The following OSBPL1A variants were observed in gnomAD, a reference collection of about 807,000 sequenced individuals.
OSBPL1A encodes oxysterol binding protein like 1A.
OSBPL1A carries 80 observed loss-of-function variants against 137.1 expected under a neutral mutation model. The ratio of observed to expected loss-of-function variants is 0.58; its 90% confidence interval spans 0.49 to 0.70. The LOEUF (loss-of-function observed/expected upper bound fraction) is 0.70. Among genes scored for constraint, OSBPL1A ranks in the 30% least tolerant of loss-of-function variants. OSBPL1A has a pLI of 0.00. For missense variants in OSBPL1A, 970 were observed against 1,129.4 expected, an observed-to-expected ratio of 0.86 and a Z score of 2.02; for synonymous variants, 365 against 389.7, an observed-to-expected ratio of 0.94 and a Z score of 0.75.
At chr18:24,343,526 TA>T (rs2091301962) in intron 4 of OSBPL1A, among the ~76,000 whole-genome samples, 1 of 152,038 alleles carries the variant, frequency 6.6e-6, no homozygotes, top group Admixed American at 6.6e-5. Context: ...AAATAATATT[TA>T]AAAGAAGAAC....
In OSBPL1A at chr18:24,340,138, A is replaced by G. The variant is rs149569280; in HGVS notation, c.394+1409T>C. 1.0e-3 allele frequency among the ~76,000 whole-genome samples: 158 copies of G among 152,338 alleles called. 1 individual carries two copies. The East Asian group carries it at 0.019, about 18-fold the overall frequency. ...TTAAAGATCTTCTCTTCTCAACATT[A>G]GAAATACTACTAAAAAATAATTATA... On this transcript the variant is annotated intron_variant, in intron 5 of 27. Transcript: ENST00000319481.
intron 16 of OSBPL1A, among the ~76,000 whole-genome samples, chr18:24,237,771 G>A (rs1786092): frequency 0.46 from 69,764 of 151,950 alleles, 17,240 homozygotes; most frequent in East Asian, 0.83. Flanking sequence ...CAAGGTGGAC[G>A]TGTAATAAAT....
intron 17 of OSBPL1A, among the ~76,000 whole-genome samples, chr18:24,208,953 C>T (rs2087450856): frequency 6.6e-6 from 1 of 152,140 alleles, no homozygotes; most frequent in Non-Finnish European, 1.5e-5. Context: ...TTCAAGAACA[C>T]ACCACTGGTG....
intron 14 of OSBPL1A, among the ~76,000 whole-genome samples, chr18:24,286,379 G>T (rs2090067406): frequency 2.0e-5 from 3 of 152,068 alleles, no homozygotes; most frequent in South Asian, 4.2e-4. Context: ...AAATTAAAAT[G>T]ACTACCTTGA....
chr18:24,175,439 C>A (rs1039511177), intron 21 of OSBPL1A, among the ~76,000 whole-genome samples: 6 of 152,068 alleles, frequency 3.9e-5, no homozygotes, highest in Non-Finnish European at 1.5e-5. Context: ...CCTCCCACTT[C>A]AGCCTCCCAA....
chr18:24,268,977 G>A (rs1392118647), intron 15 of OSBPL1A, among the ~76,000 whole-genome samples: 1 of 152,144 alleles, frequency 6.6e-6, no homozygotes, highest in East Asian at 1.9e-4. Flanking sequence ...TATACAGTGT[G>A]ACTTGTGCCA....
At chr18:24,380,267 C>A (rs1379977916) in intron 1 of OSBPL1A, among the ~76,000 whole-genome samples, 3 of 152,190 alleles carry the variant, frequency 2.0e-5, no homozygotes, top group African/African-American at 4.8e-5. Flanking sequence ...AATTAAAAAA[C>A]CAAGGAAGAG....
intron 7 of OSBPL1A, among the ~76,000 whole-genome samples, chr18:24,331,333 C>A (rs533868971): frequency 6.6e-6 from 1 of 151,268 alleles, no homozygotes; most frequent in East Asian, 1.9e-4. Context: ...CTAACCCAGG[C>A]TGGTAGCAGG....
chr18:24,271,470 G>A lies in OSBPL1A; in HGVS notation c.1281+9372C>T. 3 of 828,938 alleles carry A rather than the reference G, an allele frequency of 3.6e-6. No individual in the cohort carries two copies. The highest frequency in any genetic ancestry group is 4.4e-6 in the Non-Finnish European group (3 of 686,990). 51.3% of individuals were successfully genotyped at this position (828,938 alleles called of 1,614,324 possible). A position where few individuals can be genotyped will look rare whatever the true frequency, so the allele number is the denominator to read the frequency against. ...CGCCCCTCCCCACGCGCCCGCGGCT[G>A]CACCCCACTCTGCACACACACGTCC... On this transcript the variant is annotated intron_variant, in intron 15 of 27. Coordinates refer to ENST00000319481, the MANE Select transcript of OSBPL1A (RefSeq NM_080597.4). This position sits in a 1 kb window ranked among gnomAD's most constrained non-coding sequence, Gnocchi z 4.0.
At chr18:24,246,620 G>A (rs760082042) in intron 15 of OSBPL1A, among the ~76,000 whole-genome samples, 22 of 151,650 alleles carry the variant, frequency 1.5e-4, no homozygotes, top group Admixed American at 2.6e-4. Context: ...GTGAAACCCC[G>A]TCTCTACTAA....
intron 18 of OSBPL1A, among the ~76,000 whole-genome samples, chr18:24,183,187 A>G (rs2086654214): frequency 6.6e-6 from 1 of 151,972 alleles, no homozygotes; most frequent in South Asian, 2.1e-4. Flanking sequence ...TCTATTTTTC[A>G]ATAAAACTAT....
intron 24 of OSBPL1A, among the ~76,000 whole-genome samples, chr18:24,168,490 C>T (rs1045781522): frequency 2.0e-5 from 3 of 152,176 alleles, no homozygotes; most frequent in Non-Finnish European, 4.4e-5. Flanking sequence ...CTCCCCTCTC[C>T]GCGGCCCAGC....
At chr18:24,332,136 G>A (rs1267742674) in intron 7 of OSBPL1A, among the ~76,000 whole-genome samples, 1 of 152,038 alleles carries the variant, frequency 6.6e-6, no homozygotes, top group Non-Finnish European at 1.5e-5. Context: ...AGCACTTTGG[G>A]AGGCTGAGGT....
intron 7 of OSBPL1A, among the ~76,000 whole-genome samples, chr18:24,325,841 G>A (rs768516921): frequency 5.3e-5 from 8 of 152,156 alleles, no homozygotes; most frequent in Non-Finnish European, 7.4e-5. Context: ...CCTAAGCTAA[G>A]AAGTCTTAGA....
At chr18:24,188,914 T>C (rs1026639277) in intron 18 of OSBPL1A, among the ~76,000 whole-genome samples, 1 of 152,202 alleles carries the variant, frequency 6.6e-6, no homozygotes, top group African/African-American at 2.4e-5. Context: ...CTGCATTCTC[T>C]AGATAATGTA....
chr18:24,295,769 G>A (rs574544212), intron 14 of OSBPL1A, among the ~76,000 whole-genome samples: 1 of 151,540 alleles, frequency 6.6e-6, no homozygotes, highest in South Asian at 2.1e-4. Flanking sequence ...CCCAATTTAT[G>A]TTTTTGTATG....
At chr18:24,287,305 G>A (rs2090082016) in intron 14 of OSBPL1A, among the ~76,000 whole-genome samples, 1 of 152,202 alleles carries the variant, frequency 6.6e-6, no homozygotes, top group African/African-American at 2.4e-5. Flanking sequence ...TGGTAACTAG[G>A]GTTGAGCCAC....
intron 14 of OSBPL1A, among the ~76,000 whole-genome samples, chr18:24,287,554 C>T (rs767304417): frequency 2.0e-5 from 3 of 152,060 alleles, no homozygotes; most frequent in Non-Finnish European, 4.4e-5. Flanking sequence ...AGGCAGATCA[C>T]CTGAGATCAG....
intron 4 of OSBPL1A, among the ~76,000 whole-genome samples, chr18:24,362,486 G>C (rs2091638753): frequency 6.6e-6 from 1 of 152,172 alleles, no homozygotes; most frequent in Non-Finnish European, 1.5e-5. Context: ...ATACAGAATT[G>C]ACTCATGGTA....
Sources: gnomAD v4.1 joint callset for allele counts (sites outside exome capture counted in the v4.1 genomes callset) on GRCh38, gnomAD v4.1.1 for gene constraint, Gnocchi (gnomAD v3.1) non-coding constraint, MANE v1.5 for transcripts, NCBI Gene and HGNC (gene_info 2026-07-23, HGNC 2026-07-21) for gene names.